Variants in EYS observed in about 807,000 individuals in gnomAD.
EYS encodes the protein protein eyes shut homolog.
A neutral mutation model predicts 282.1 loss-of-function variants in EYS; 250 were observed. The ratio of observed to expected loss-of-function variants is 0.89; its 90% CI spans 0.80 to 0.98. The LOEUF (loss-of-function observed/expected upper bound fraction) is 0.98. Among genes scored for constraint, EYS ranks in the 50% least tolerant of loss-of-function variants. EYS has a pLI of 0.00. For missense variants in EYS, 4,016 were observed against 3,709.0 expected, an observed-to-expected ratio of 1.08 and a Z score of -2.15; for synonymous variants, 1,355 against 1,282.9, an observed-to-expected ratio of 1.06 and a Z score of -1.20.
At position 64,833,946 on chromosome 6, in the gene EYS, G is replaced by GA. The variant is rs567499827; in HGVS notation, c.2993-11125dup. 1.6e-4 allele frequency among the ~76,000 whole-genome samples: 24 copies of GA among 151,962 alleles called. 1 individual carries two copies. In the East Asian group the frequency reaches 4.1e-3, roughly 26 times the overall value. On this transcript the variant is annotated intron_variant, in intron 19 of 42. Transcript: ENST00000503581. ...CTCTACCAAGTAACTGGAGATCAAT[G>GA]AAAAATTCTAATTTTAATTCTTCAT...
At chr6:64,050,221 G>C (rs1770761724) in intron 33 of EYS, among the ~76,000 whole-genome samples, 1 of 151,978 alleles carries the variant, frequency 6.6e-6, no homozygotes, top group African/African-American at 2.4e-5. Context: ...AAGTATCTCT[G>C]ATCATCCCCT....
chr6:65,617,716 C>G (rs1427357737), intron 2 of EYS, among the ~76,000 whole-genome samples: 1 of 129,584 alleles, frequency 7.7e-6, no homozygotes, highest in African/African-American at 2.9e-5. Context: ...CCCCACCCCA[C>G]CACAATCCCC....
At chr6:64,040,800 G>C (rs1770353934) in intron 33 of EYS, among the ~76,000 whole-genome samples, 1 of 152,122 alleles carries the variant, frequency 6.6e-6, no homozygotes, top group Non-Finnish European at 1.5e-5. Context: ...TCATTATCTG[G>C]CTCTTTAGTT....
intron 12 of EYS, among the ~76,000 whole-genome samples, chr6:65,175,564 A>G (rs1432334380): frequency 6.6e-6 from 1 of 151,448 alleles, no homozygotes; most frequent in Non-Finnish European, 1.5e-5. Flanking sequence ...GTTTGTGGTC[A>G]TAAGTGACCA....
At chr6:64,844,439 T>C (rs1327338068) in intron 19 of EYS, among the ~76,000 whole-genome samples, 1 of 151,832 alleles carries the variant, frequency 6.6e-6, no homozygotes, top group Non-Finnish European at 1.5e-5. Flanking sequence ...TTTCCAAATA[T>C]ACCAATCATG....
At chr6:64,962,840 T>C (rs1769970643) in intron 14 of EYS, among the ~76,000 whole-genome samples, 1 of 152,132 alleles carries the variant, frequency 6.6e-6, no homozygotes, top group East Asian at 1.9e-4. Context: ...ATATCTTAAT[T>C]AAAAAATGAT....
intron 12 of EYS, among the ~76,000 whole-genome samples, chr6:65,251,349 G>C (rs2150283209): frequency 6.6e-6 from 1 of 151,408 alleles, no homozygotes; most frequent in East Asian, 1.9e-4. Context: ...CTATAAAATA[G>C]TGGTATATTT....
intron 33 of EYS, among the ~76,000 whole-genome samples, chr6:64,056,972 T>C (rs978264365): frequency 4.6e-5 from 7 of 152,170 alleles, no homozygotes; most frequent in Non-Finnish European, 1.0e-4. Flanking sequence ...CAATTAGAAT[T>C]AGGCCAGCTA....
At chr6:64,657,188 T>C (rs1768781121) in intron 22 of EYS, among the ~76,000 whole-genome samples, 1 of 152,178 alleles carries the variant, frequency 6.6e-6, no homozygotes, top group South Asian at 2.1e-4. Flanking sequence ...CCTGCCTTTT[T>C]TTGTTTTCCA....
chr6:64,217,158 T>A (rs1765955677), intron 31 of EYS, among the ~76,000 whole-genome samples: 2 of 152,228 alleles, frequency 1.3e-5, no homozygotes, highest in Non-Finnish European at 2.9e-5. Flanking sequence ...AGAATTCAGC[T>A]ATGTCTTCGG....
rs1406505033 is a variant in EYS, at chr6:64,989,549, CAT to C, written c.2259+8031_2259+8032del. Among the ~76,000 whole-genome samples the C allele has an allele frequency of 1.5e-3, 185 of 127,218 alleles. 2 individuals carry two copies. Among genetic ancestry groups the C allele is most frequent in the Middle Eastern group, 4.1e-3 (1 of 246 alleles). 83.5% of individuals were successfully genotyped at this position (127,218 alleles called of 152,430 possible). A position where few individuals can be genotyped will look rare whatever the true frequency, so the allele number is the denominator to read the frequency against. On this transcript the variant is annotated intron_variant, in intron 14 of 42. Coordinates refer to ENST00000503581, the MANE Select transcript of EYS (RefSeq NM_001142800.2). Reference sequence around the variant, plus strand: ...TAATATATATTATGTTATAATATATCATATATTTTATATTTAAGAACTATGTA... The same window carrying C: ...TAATATATATTATGTTATAATATATCATATTTTATATTTAAGAACTATGTA...
intron 2 of EYS, among the ~76,000 whole-genome samples, chr6:65,528,255 AG>A (rs1199788637): frequency 2.0e-5 from 3 of 152,208 alleles, no homozygotes; most frequent in Non-Finnish European, 4.4e-5. Flanking sequence ...CATTTCTCCA[AG>A]GGGAACACAG....
At chr6:64,302,765 A>C (rs768407949) in intron 30 of EYS, among the ~76,000 whole-genome samples, 5 of 152,214 alleles carry the variant, frequency 3.3e-5, no homozygotes, top group Admixed American at 1.3e-4. Context: ...AATTTAGATA[A>C]ATTTCAATCA....
At chr6:64,629,066 T>C (rs980490501) in intron 22 of EYS, among the ~76,000 whole-genome samples, 1 of 152,222 alleles carries the variant, frequency 6.6e-6, no homozygotes, top group Non-Finnish European at 1.5e-5. Context: ...GAATACCACA[T>C]TCCATTTAGT....
intron 13 of EYS, among the ~76,000 whole-genome samples, chr6:64,999,158 G>C (rs1771372359): frequency 6.6e-6 from 1 of 152,122 alleles, no homozygotes; most frequent in African/African-American, 2.4e-5. Context: ...TTAATAAATG[G>C]ACTAAGTGCC....
chr6:64,619,156 T>C lies in EYS; in HGVS notation c.3569-1623A>G, dbSNP rs116505711. Among the ~76,000 whole-genome samples, 1,251 of 152,276 alleles carry C rather than the reference T, an allele frequency of 8.2e-3. 21 individuals carry two copies. The highest frequency in any genetic ancestry group is 0.029 in the African/African-American group (1,190 of 41,556). On this transcript the variant is annotated intron_variant, in intron 23 of 42. Transcript: ENST00000503581. ...CTAATATTCTATTTCTCAGAACACA[T>C]GGTAGTTATACACATTTATTACAGT...
chr6:65,496,818 T>A (rs1766274520), intron 2 of EYS, among the ~76,000 whole-genome samples: 2 of 152,086 alleles, frequency 1.3e-5, no homozygotes, highest in South Asian at 4.1e-4. Flanking sequence ...CAATTAAATG[T>A]TGTTAAAATA....
chr6:65,563,743 G>A (rs181497206), intron 2 of EYS, among the ~76,000 whole-genome samples: 6 of 152,134 alleles, frequency 3.9e-5, no homozygotes, highest in South Asian at 2.1e-4. Context: ...AGTAGGGCAG[G>A]ATAGTGCCCC....
At chr6:64,843,646 G>T (rs1214509788) in intron 19 of EYS, among the ~76,000 whole-genome samples, 1 of 152,170 alleles carries the variant, frequency 6.6e-6, no homozygotes, top group Non-Finnish European at 1.5e-5. Context: ...TATCTAGGAA[G>T]TAACTAGCTT....
Sources: allele counts gnomAD v4.1 joint callset (sites outside exome capture counted in the v4.1 genomes callset), GRCh38; gene constraint gnomAD v4.1.1; transcripts MANE v1.5; gene names NCBI Gene and HGNC (gene_info 2026-07-23, HGNC 2026-07-21).